The following FOXP1 variants were observed in gnomAD, a reference collection of about 807,000 sequenced individuals.
The protein encoded by FOXP1 is forkhead box P1.
FOXP1 carries 15 observed loss-of-function variants against 98.2 expected under a neutral mutation model. That is an observed-to-expected ratio of 0.15 (90% CI 0.10 to 0.24). The LOEUF (loss-of-function observed/expected upper bound fraction) is 0.24. Among genes scored for constraint, FOXP1 ranks in the 10% least tolerant of loss-of-function variants. The pLI is 1.00. For synonymous variants in FOXP1, 371 were observed against 314.5 expected, an observed-to-expected ratio of 1.18 and a Z score of -1.90; for missense variants, 633 against 848.5, an observed-to-expected ratio of 0.75 and a Z score of 3.15.
intron 3 of FOXP1, among the ~76,000 whole-genome samples, chr3:71,407,359 A>C (rs1385417706): frequency 6.6e-6 from 1 of 152,186 alleles, no homozygotes; most frequent in Non-Finnish European, 1.5e-5. Flanking sequence ...TAATCCTTAA[A>C]AAGACTAAAA....
chr3:71,133,381 G>A (rs182628193), intron 6 of FOXP1, among the ~76,000 whole-genome samples: 1 of 152,228 alleles, frequency 6.6e-6, no homozygotes, highest in Admixed American at 6.5e-5. Flanking sequence ...GTCTGCTCAG[G>A]GCCATGGAAT....
chr3:71,039,321 A>AT (rs1350827849), intron 11 of FOXP1, among the ~76,000 whole-genome samples: 1 of 152,198 alleles, frequency 6.6e-6, no homozygotes, highest in African/African-American at 2.4e-5. Flanking sequence ...AATAAGGACC[A>AT]TAAAAAAAAA....
chr3:71,159,104 C>CAA (rs34653634), intron 6 of FOXP1, among the ~76,000 whole-genome samples: 90 of 77,866 alleles, frequency 1.2e-3, no homozygotes, highest in African/African-American at 2.2e-3. Flanking sequence ...AACCCTATCT[C>CAA]AAAAAAAAAA....
At chr3:71,134,970 A>C (rs181868480) in intron 6 of FOXP1, among the ~76,000 whole-genome samples, 60 of 152,252 alleles carry the variant, frequency 3.9e-4, no homozygotes, top group African/African-American at 1.4e-3. Flanking sequence ...TAAAAGTTAT[A>C]ATCCCCGGCC....
chr3:71,128,386 A>G (rs138156765), intron 6 of FOXP1, among the ~76,000 whole-genome samples: 6 of 152,254 alleles, frequency 3.9e-5, no homozygotes, highest in East Asian at 1.9e-4. Flanking sequence ...GGAGGAATCA[A>G]TTTGAGATAA....
chr3:71,054,424 T>C (rs898780947), intron 7 of FOXP1, among the ~76,000 whole-genome samples: 3 of 152,234 alleles, frequency 2.0e-5, no homozygotes, highest in African/African-American at 7.2e-5. Context: ...ATGAACTTGA[T>C]AGCATTTCAT....
At chr3:71,052,501 T>C in intron 9 of FOXP1, 36 bp downstream of exon 9, 1 of 893,722 alleles carries the variant, frequency 1.1e-6, no homozygotes, top group South Asian at 1.3e-5. Context: ...TCCTCTGGGA[T>C]CTGTGGTTTG....
chr3:71,301,685 T>G (rs945543456), intron 4 of FOXP1, among the ~76,000 whole-genome samples: 2 of 152,214 alleles, frequency 1.3e-5, no homozygotes, highest in African/African-American at 4.8e-5. Flanking sequence ...CATATAGGCC[T>G]GGCAAACAAC....
intron 14 of FOXP1, among the ~76,000 whole-genome samples, chr3:70,984,443 A>G (rs2039395578): frequency 6.6e-6 from 1 of 152,124 alleles, no homozygotes; most frequent in South Asian, 2.1e-4. Flanking sequence ...CAGCTGTTCT[A>G]CTTACAGGTA....
At chr3:71,263,573 TG>T (rs148614510) in intron 5 of FOXP1, among the ~76,000 whole-genome samples, 2,949 of 152,238 alleles carry the variant, frequency 0.019, 42 homozygotes, top group Non-Finnish European at 0.028. Flanking sequence ...TTGAGGAAGG[TG>T]CCTATGCTTC....
chr3:71,117,089 C>CTTT (rs11380918), intron 6 of FOXP1, among the ~76,000 whole-genome samples: 3 of 148,476 alleles, frequency 2.0e-5, no homozygotes, highest in Non-Finnish European at 1.5e-5. Context: ...AGAGATAAAT[C>CTTT]TTTTTTTTTT....
intron 5 of FOXP1, among the ~76,000 whole-genome samples, chr3:71,210,641 A>C (rs1035520850): frequency 1.3e-5 from 2 of 152,182 alleles, no homozygotes; most frequent in African/African-American, 2.4e-5. Flanking sequence ...TAACAGAGAG[A>C]ATCTTCCCTC....
At chr3:71,545,545 C>T (rs1419031973) in intron 2 of FOXP1, among the ~76,000 whole-genome samples, 2 of 152,160 alleles carry the variant, frequency 1.3e-5, no homozygotes, top group African/African-American at 4.8e-5. Flanking sequence ...AAGGACTGAA[C>T]TGCCTTATGC....
chr3:71,397,258 A>C (rs2081597556), intron 3 of FOXP1, among the ~76,000 whole-genome samples: 1 of 151,336 alleles, frequency 6.6e-6, no homozygotes, highest in South Asian at 2.1e-4. Flanking sequence ...GGAGGCAAAA[A>C]CCCATTCGGA....
intron 4 of FOXP1, among the ~76,000 whole-genome samples, chr3:71,331,384 C>G (rs193098137): frequency 1.3e-5 from 2 of 152,150 alleles, no homozygotes; most frequent in South Asian, 2.1e-4. Flanking sequence ...CCCCACCCCC[C>G]GCCATGGGCT....
At chr3:71,485,662 G>C (rs1306631981) in intron 3 of FOXP1, among the ~76,000 whole-genome samples, 2 of 151,990 alleles carry the variant, frequency 1.3e-5, no homozygotes, top group Non-Finnish European at 2.9e-5. Flanking sequence ...CCAGCTACTA[G>C]GGAGGCTGAG....
At chr3:71,505,432 T>C (rs2041740703) in intron 2 of FOXP1, among the ~76,000 whole-genome samples, 1 of 146,842 alleles carries the variant, frequency 6.8e-6, no homozygotes, top group South Asian at 2.3e-4. Flanking sequence ...TTTTTTTTTT[T>C]TTTTTTGAGA....
intron 6 of FOXP1, among the ~76,000 whole-genome samples, chr3:71,168,396 C>T (rs1266167933): frequency 6.6e-6 from 1 of 152,020 alleles, no homozygotes; most frequent in Non-Finnish European, 1.5e-5. Flanking sequence ...TATTATTAAA[C>T]TGGAAAGAAA....
chr3:71,329,763 T>C (rs1318334024), intron 4 of FOXP1: 1 of 152,194 alleles, frequency 6.6e-6, no homozygotes, highest in Non-Finnish European at 1.5e-5. Context: ...TGTCTAGGTG[T>C]AATTTTGATA....
Sources: allele counts gnomAD v4.1 joint callset (sites outside exome capture counted in the v4.1 genomes callset), GRCh38; gene constraint gnomAD v4.1.1; transcripts MANE v1.5; gene names NCBI Gene and HGNC (gene_info 2026-07-23, HGNC 2026-07-21).